CYP19A1: variants seen among roughly 807,000 people sequenced by gnomAD.
CYP19A1 encodes aromatase.
CYP19A1 carries 32 observed loss-of-function variants against 44.4 expected under a neutral mutation model. The observed-to-expected ratio is 0.72, with a 90% CI of 0.54 to 0.97. CYP19A1 has a LOEUF of 0.97. CYP19A1 is among the 50% of genes least tolerant of loss of function. The pLI is 0.00. For missense variants in CYP19A1, 598 were observed against 637.8 expected (o/e 0.94, Z 0.67); for synonymous variants, 212 against 215.6 (o/e 0.98, Z 0.14).
intron 1 of CYP19A1, among the ~76,000 whole-genome samples, chr15:51,308,925 C>A (rs1343220303): frequency 6.6e-6 from 1 of 152,158 alleles, no homozygotes; most frequent in Non-Finnish European, 1.5e-5. Flanking sequence ...ATGGCTGAAC[C>A]CTGATTCTTC....
chr15:51,250,137 GAGAC>G lies in CYP19A1; in HGVS notation c.-38-7191_-38-7188del, dbSNP rs1457993625. ...CAAAAAGCCCTGAAGGCACCAATGGGAGACCTCAGCCCCTAGGGTTTTACCCACA... is the reference window on the plus strand; with the variant it reads ...CAAAAAGCCCTGAAGGCACCAATGGGCTCAGCCCCTAGGGTTTTACCCACA... On this transcript the variant is annotated intron_variant, in intron 1 of 9. Coordinates refer to ENST00000396402, the MANE Select transcript of CYP19A1 (RefSeq NM_000103.4). Among the ~76,000 whole-genome samples, 220 of 152,336 alleles carry G rather than the reference GAGAC, an allele frequency of 1.4e-3. 3 individuals are homozygous for G. Among genetic ancestry groups the G allele is most frequent in the East Asian group, 0.013 (65 of 5,190 alleles).
chr15:51,222,093 TGG>T, intron 5 of CYP19A1: 1 of 613,770 alleles, frequency 1.6e-6, no homozygotes, highest in Non-Finnish European at 2.8e-6. Context: ...GTTTCAACTG[TGG>T]GTAGAATTCT....
At chr15:51,213,624 A>G (rs1410715005) in intron 8 of CYP19A1, among the ~76,000 whole-genome samples, 1 of 152,162 alleles carries the variant, frequency 6.6e-6, no homozygotes, top group Admixed American at 6.5e-5. Context: ...CACAGGAGGG[A>G]GCATGGACGC....
intron 1 of CYP19A1, among the ~76,000 whole-genome samples, chr15:51,267,312 G>C (rs888247306): frequency 1.3e-5 from 2 of 152,116 alleles, no homozygotes; most frequent in African/African-American, 4.8e-5. Context: ...GAATCTGCGC[G>C]GCCCAGTGCA....
chr15:51,319,834 G>A (rs1414829824), intron 1 of CYP19A1, among the ~76,000 whole-genome samples: 1 of 152,018 alleles, frequency 6.6e-6, no homozygotes, highest in East Asian at 2.0e-4. Flanking sequence ...TACCTTAATA[G>A]TCAGGTGATC....
At chr15:51,327,210 C>T (rs1029458313) in intron 1 of CYP19A1, among the ~76,000 whole-genome samples, 7 of 152,192 alleles carry the variant, frequency 4.6e-5, no homozygotes, top group Non-Finnish European at 4.4e-5. Context: ...GTGCCATATG[C>T]CAGGCTTGTT....
chr15:51,315,574 C>T (rs1316548613), intron 1 of CYP19A1, among the ~76,000 whole-genome samples: 1 of 152,166 alleles, frequency 6.6e-6, no homozygotes, highest in Non-Finnish European at 1.5e-5. Context: ...TGCTCTAAAC[C>T]CAGTGCCAGG....
intron 1 of CYP19A1, among the ~76,000 whole-genome samples, chr15:51,310,474 TG>T (rs1407031614): frequency 6.6e-6 from 1 of 152,134 alleles, no homozygotes; most frequent in Non-Finnish European, 1.5e-5. Context: ...ACAAAAAGTG[TG>T]GGGAAAATCT....
At chr15:51,263,328 C>A (rs147267953) in intron 1 of CYP19A1, among the ~76,000 whole-genome samples, 6 of 151,952 alleles carry the variant, frequency 3.9e-5, no homozygotes, top group African/African-American at 1.2e-4. Context: ...CTGGTGACCA[C>A]GACAAGAGCA....
In CYP19A1 at chr15:51,210,680, G is replaced by T. The variant is rs754645982; in HGVS notation, c.*128C>A. Reference sequence around the variant, plus strand: ...CCTAGCTTGGTGACAACCCATAGGAGGTATGCCTATAAAATGCCATGGGCC... The same window carrying T: ...CCTAGCTTGGTGACAACCCATAGGATGTATGCCTATAAAATGCCATGGGCC... On this transcript the variant is annotated 3_prime_UTR_variant, in exon 10 of 10. Coordinates refer to ENST00000396402, the MANE Select transcript of CYP19A1 (RefSeq NM_000103.4). 1.3e-6 allele frequency: 1 copy of T among 779,854 alleles called. No homozygotes were observed. Among genetic ancestry groups the T allele is most frequent in the Admixed American group, 1.7e-5 (1 of 58,886 alleles). 48.3% of individuals were successfully genotyped at this position (779,854 alleles called of 1,614,324 possible).
chr15:51,221,401 C>G (rs1004569407), intron 5 of CYP19A1: 1 of 152,148 alleles, frequency 6.6e-6, no homozygotes, highest in Non-Finnish European at 1.5e-5. Flanking sequence ...AATGCCAATT[C>G]TTTTATTCCT....
intron 1 of CYP19A1, among the ~76,000 whole-genome samples, chr15:51,285,502 G>A (rs1308178113): frequency 1.3e-5 from 2 of 152,204 alleles, no homozygotes; most frequent in Non-Finnish European, 2.9e-5. Flanking sequence ...AAAAAGCTGA[G>A]TGTTGGGAAA....
chr15:51,246,277 G>A (rs762752251), intron 1 of CYP19A1, among the ~76,000 whole-genome samples: 15 of 152,152 alleles, frequency 9.9e-5, no homozygotes, highest in Non-Finnish European at 1.6e-4. Context: ...AAACACACAT[G>A]TACATGCACA....
chr15:51,222,374 C>T lies in CYP19A1; in HGVS notation c.603G>A (p.Thr201=), dbSNP rs774856159. ...CGTCCAAAGGGATCCTCAAGAAGAG[C>T]GTGTTAGAGGTGTCCAGCATGACAC... ...LRRVMLDTSN[T]LFLRIPLDES... is the part of the protein sequence containing the mutation. Residue 201 remains threonine (T), a synonymous_variant, in exon 5 of 10, where the codon ACG becomes ACA. Coordinates refer to ENST00000396402, the MANE Select transcript of CYP19A1 (RefSeq NM_000103.4). The T allele has an allele frequency of 5.0e-6, 8 of 1,614,046 alleles. No homozygotes were observed. The East Asian group carries it at 6.7e-5, about 13-fold the overall frequency.
intron 1 of CYP19A1, among the ~76,000 whole-genome samples, chr15:51,299,415 T>A (rs916316155): frequency 6.6e-6 from 1 of 152,206 alleles, no homozygotes; most frequent in Non-Finnish European, 1.5e-5. Flanking sequence ...GATCATCCAA[T>A]AATTTTGACA....
chr15:51,295,978 A>G (rs1324363410), intron 1 of CYP19A1, among the ~76,000 whole-genome samples: 1 of 152,224 alleles, frequency 6.6e-6, no homozygotes. Flanking sequence ...GAAGATGACC[A>G]TGACCAAGGA....
chr15:51,280,356 C>T (rs1382857935), intron 1 of CYP19A1, among the ~76,000 whole-genome samples: 2 of 152,052 alleles, frequency 1.3e-5, no homozygotes, highest in Admixed American at 1.3e-4. Context: ...CCTTGGCCTC[C>T]CAAAGGGCTG....
intron 1 of CYP19A1, among the ~76,000 whole-genome samples, chr15:51,320,754 T>G (rs551804141): frequency 6.6e-6 from 1 of 152,332 alleles, no homozygotes; most frequent in Admixed American, 6.5e-5. Context: ...ATGTGAGCCA[T>G]GTAAGTAATC....
In CYP19A1 at chr15:51,210,725, G is replaced by A. The variant is rs2141029428; in HGVS notation, c.*83C>T. ...TGGGCCACTGAGTGTTCACTGTGAG[G>A]ATGACACTATTGGCAAGGATGGATG... On this transcript the variant is annotated 3_prime_UTR_variant, in exon 10 of 10. Coordinates refer to ENST00000396402, the MANE Select transcript of CYP19A1 (RefSeq NM_000103.4). 1.1e-6 allele frequency: 1 copy of A among 921,116 alleles called. No individual in the cohort carries two copies. The allele number at this position is 921,116 out of a possible 1,614,324, so 57.1% of individuals were successfully genotyped here. A position where few individuals can be genotyped will look rare whatever the true frequency, so the allele number is the denominator to read the frequency against.
Sources: gnomAD v4.1 joint callset for allele counts (sites outside exome capture counted in the v4.1 genomes callset) on GRCh38, gnomAD v4.1.1 for gene constraint, MANE v1.5 for transcripts, NCBI Gene and HGNC (gene_info 2026-07-23, HGNC 2026-07-21) for gene names.